Variants in PDE8A observed in about 807,000 individuals in gnomAD.
PDE8A encodes phosphodiesterase 8A, also known as high affinity cAMP-specific and IBMX-insensitive 3',5'-cyclic phosphodiesterase 8A.
Under a neutral mutation model 105.0 loss-of-function variants are expected in PDE8A, and 59 were observed. The observed-to-expected ratio is 0.56, with a 90% confidence interval of 0.46 to 0.70. The LOEUF (loss-of-function observed/expected upper bound fraction) is 0.70. Ranked by LOEUF, PDE8A falls within the 30% of genes least tolerant of loss-of-function variation. PDE8A has a pLI of 0.00. For synonymous variants in PDE8A, 355 were observed against 371.9 expected, an observed-to-expected ratio of 0.95 and a Z score of 0.52; for missense variants, 1,014 against 1,045.9, an observed-to-expected ratio of 0.97 and a Z score of 0.42.
intron 1 of PDE8A, among the ~76,000 whole-genome samples, chr15:84,989,468 C>T (rs1440037597): frequency 6.6e-6 from 1 of 152,228 alleles, no homozygotes; most frequent in Non-Finnish European, 1.5e-5. Flanking sequence ...GCTGGTGGCA[C>T]ATCAGCAGTT....
intron 1 of PDE8A, among the ~76,000 whole-genome samples, chr15:85,037,025 C>T (rs547702595): frequency 6.6e-6 from 1 of 151,744 alleles, no homozygotes; most frequent in South Asian, 2.1e-4. Context: ...GAGGTCTTTT[C>T]TTCAAATGAA....
chr15:85,081,076 GAGA>G (rs1006568038), intron 5 of PDE8A, among the ~76,000 whole-genome samples: 1 of 152,348 alleles, frequency 6.6e-6, no homozygotes, highest in Non-Finnish European at 1.5e-5. Context: ...TCAGGTTACT[GAGA>G]AGAAGAGTTA....
intron 6 of PDE8A, among the ~76,000 whole-genome samples, chr15:85,088,596 C>A (rs865898403): frequency 3.3e-5 from 5 of 152,266 alleles, no homozygotes; most frequent in Non-Finnish European, 2.9e-5. Context: ...TTTGTGTGGA[C>A]ATAATGGGGC....
At chr15:84,990,261 TA>T (rs1400889063) in intron 1 of PDE8A, among the ~76,000 whole-genome samples, 1 of 152,206 alleles carries the variant, frequency 6.6e-6, no homozygotes, top group Non-Finnish European at 1.5e-5. Flanking sequence ...GTAAAATGTG[TA>T]AATTTTATGT....
chr15:84,985,805 C>G (rs1567214345), intron 1 of PDE8A, among the ~76,000 whole-genome samples: 2 of 152,168 alleles, frequency 1.3e-5, no homozygotes, highest in Admixed American at 6.5e-5. Context: ...CCAGTTTTAA[C>G]CAGAGTAGAG....
chr15:85,126,215 T>C lies in PDE8A; in HGVS notation c.2094T>C (p.Asp698=), dbSNP rs201665848. The C allele has an allele frequency of 2.5e-6, 4 of 1,603,978 alleles. No homozygotes were observed. The highest frequency in any genetic ancestry group is 2.2e-5 in the East Asian group (1 of 44,718). The part of the protein sequence containing the change: ...LATLEENGET[D]KNQEVINTML... ...TTCCACTCATGTTTCAGGAAACTGA[T>C]AAAAACCAGGAAGTGATAAACACTA... The change falls in exon 20 of 22, where the codon GAT becomes GAC. Residue 698 remains aspartate, a synonymous_variant. Coordinates refer to ENST00000394553, the MANE Select transcript of PDE8A (RefSeq NM_002605.3).
chr15:85,081,885 A>G, intron 5 of PDE8A, among the ~76,000 whole-genome samples: 1 of 152,138 alleles, frequency 6.6e-6, no homozygotes, highest in East Asian at 1.9e-4. Context: ...AGACCAATTA[A>G]AAAGTCTGAT....
At chr15:85,061,526 C>T (rs1196774171) in intron 1 of PDE8A, among the ~76,000 whole-genome samples, 2 of 152,316 alleles carry the variant, frequency 1.3e-5, no homozygotes, top group South Asian at 2.1e-4. Flanking sequence ...AGGCGTGAGC[C>T]ACCACGCCCA....
At chr15:85,050,214 C>G (rs775339829) in intron 1 of PDE8A, among the ~76,000 whole-genome samples, 1 of 152,104 alleles carries the variant, frequency 6.6e-6, no homozygotes, top group Non-Finnish European at 1.5e-5. Context: ...GTAGATATTA[C>G]TCTCTTATCA....
At chr15:85,004,847 C>CTTTT (rs35818984) in intron 1 of PDE8A, among the ~76,000 whole-genome samples, 7 of 140,440 alleles carry the variant, frequency 5.0e-5, no homozygotes, top group African/African-American at 1.6e-4. Flanking sequence ...TTTTAATATT[C>CTTTT]TTTTTTTTTT....
At chr15:85,071,137 C>G (rs939411079) in intron 3 of PDE8A, among the ~76,000 whole-genome samples, 15 of 152,234 alleles carry the variant, frequency 9.9e-5, no homozygotes, top group Non-Finnish European at 2.9e-5. Context: ...ACCGTGGAGA[C>G]TAATAAAGAA....
At chr15:85,125,567 C>T (rs1006481354) in intron 19 of PDE8A, among the ~76,000 whole-genome samples, 2 of 152,194 alleles carry the variant, frequency 1.3e-5, no homozygotes, top group Admixed American at 1.3e-4. Flanking sequence ...GTCACTTCAC[C>T]TCCCTGAGTC....
intron 1 of PDE8A, among the ~76,000 whole-genome samples, chr15:85,050,884 T>G (rs2080962452): frequency 6.6e-6 from 1 of 152,230 alleles, no homozygotes; most frequent in South Asian, 2.1e-4. Context: ...GCATTGAATC[T>G]ATAGATTGCT....
At chr15:85,018,518 A>G (rs767478074) in intron 1 of PDE8A, among the ~76,000 whole-genome samples, 3 of 152,210 alleles carry the variant, frequency 2.0e-5, no homozygotes, top group Non-Finnish European at 2.9e-5. Flanking sequence ...GTCTCTTACT[A>G]TTGGGTAGAT....
chr15:85,060,093 C>T (rs7403597), intron 1 of PDE8A, among the ~76,000 whole-genome samples: 81,955 of 152,112 alleles, frequency 0.54, 23,249 homozygotes, highest in African/African-American at 0.74. Context: ...CATAGCTTTT[C>T]TGTCTTCCAT....
chr15:85,047,316 A>C (rs570493629), intron 1 of PDE8A, among the ~76,000 whole-genome samples: 21 of 152,318 alleles, frequency 1.4e-4, no homozygotes, highest in Non-Finnish European at 2.6e-4. Flanking sequence ...AGCAGTCAGG[A>C]AGTTGTTTAC....
chr15:85,043,708 G>T (rs146180412), intron 1 of PDE8A, among the ~76,000 whole-genome samples: 2,921 of 151,008 alleles, frequency 0.019, 52 homozygotes, highest in African/African-American at 0.039. Flanking sequence ...TTGTTTGTTT[G>T]TTTTTTTGAG....
intron 1 of PDE8A, among the ~76,000 whole-genome samples, chr15:85,011,372 C>T (rs1015021325): frequency 6.6e-5 from 10 of 152,182 alleles, no homozygotes; most frequent in African/African-American, 2.2e-4. Context: ...TGGTCCAAAA[C>T]TCAACCCTGT....
intron 16 of PDE8A, 147 bp from the exon 17 acceptor site, chr15:85,117,494 C>T (rs1045400863): frequency 1.0e-5 from 7 of 682,836 alleles, no homozygotes; most frequent in Admixed American, 7.2e-5. Flanking sequence ...TGGTTGGCCC[C>T]ACCAGAGAGA....
Sources: gnomAD v4.1 joint callset for allele counts (sites outside exome capture counted in the v4.1 genomes callset) on GRCh38, gnomAD v4.1.1 for gene constraint, MANE v1.5 for transcripts, NCBI Gene and HGNC (gene_info 2026-07-23, HGNC 2026-07-21) for gene names.